PRDM16: variants seen among roughly 807,000 people sequenced by gnomAD.
The protein encoded by PRDM16 is PR/SET domain 16.
In PRDM16, 23 loss-of-function variants were observed where a neutral mutation model predicts 110.6. The observed-to-expected ratio is 0.21, with a 90% CI of 0.15 to 0.29. PRDM16 has a LOEUF of 0.29. PRDM16 is among the 10% of genes least tolerant of loss of function. The pLI is 1.00. For synonymous variants in PRDM16, 799 were observed against 781.8 expected (o/e 1.02, Z -0.37); for missense variants, 1,615 against 1,794.3 (o/e 0.90, Z 1.81).
chr1:3,404,462 G>A (rs936624157), intron 6 of PRDM16, among the ~76,000 whole-genome samples: 4 of 152,230 alleles, frequency 2.6e-5, no homozygotes, highest in South Asian at 2.1e-4. Flanking sequence ...GCCGGGGTCC[G>A]GCACTGCCTC....
At chr1:3,235,561 T>C (rs895112617) in intron 2 of PRDM16, among the ~76,000 whole-genome samples, 15 of 152,182 alleles carry the variant, frequency 9.9e-5, no homozygotes, top group African/African-American at 3.1e-4. Flanking sequence ...GAAAGGGCTC[T>C]GGAGCCTGCG....
rs982227562 is a variant in PRDM16 at position 3,265,593 on chromosome 1, A to G, written c.438+21456A>G. Among the ~76,000 whole-genome samples the G allele has an allele frequency of 3.3e-5, 5 of 151,804 alleles. No homozygotes were observed. The highest frequency in any genetic ancestry group is 1.2e-4 in the African/African-American group (5 of 41,256). ...GGAGAAGGGGTCGTCCTGGTGGGAG[A>G]GGGAGAAGCAGACCGCAGAGGCCCC... On this transcript the variant is annotated intron_variant, in intron 3 of 16. Transcript: ENST00000270722. This position sits in a 1 kb window ranked among gnomAD's most constrained non-coding sequence, Gnocchi z 4.5.
chr1:3,134,812 A>G (rs555051192), intron 1 of PRDM16, among the ~76,000 whole-genome samples: 6 of 152,380 alleles, frequency 3.9e-5, no homozygotes, highest in African/African-American at 1.4e-4. Flanking sequence ...CAGAGGCGGC[A>G]AACAGGCGGC....
chr1:3,190,562 G>A lies in PRDM16; in HGVS notation c.387+4088G>A, dbSNP rs985409211. ...CACCCCCGACCTGGGGGCTCACTCT[G>A]TGCATGGCTGTGTGTGTGCCCCAGG... is the stretch of plus-strand genomic sequence containing the variant. On this transcript the variant is annotated intron_variant, in intron 2 of 16. Coordinates refer to ENST00000270722, the MANE Select transcript of PRDM16 (RefSeq NM_022114.4). The surrounding 1 kb of genome is among the most constrained non-coding windows in gnomAD (Gnocchi z 5.0). Among the ~76,000 whole-genome samples the A allele has an allele frequency of 6.6e-6, 1 of 152,166 alleles. No homozygotes were observed. The highest frequency in any genetic ancestry group is 1.5e-5 in the Non-Finnish European group (1 of 68,038).
chr1:3,118,071 G>A (rs1643004794), intron 1 of PRDM16, among the ~76,000 whole-genome samples: 2 of 151,372 alleles, frequency 1.3e-5, no homozygotes, highest in East Asian at 3.9e-4. Context: ...ACATGCATGT[G>A]TGTGTGCGTG....
At chr1:3,079,256 G>T (rs1043967234) in intron 1 of PRDM16, among the ~76,000 whole-genome samples, 1 of 152,220 alleles carries the variant, frequency 6.6e-6, no homozygotes, top group Non-Finnish European at 1.5e-5. Flanking sequence ...TCTCCGCAGT[G>T]GTGGCCTGAG....
intron 3 of PRDM16, among the ~76,000 whole-genome samples, chr1:3,327,290 G>T (rs1368479926): frequency 6.6e-6 from 1 of 152,202 alleles, no homozygotes; most frequent in Non-Finnish European, 1.5e-5. Flanking sequence ...TTTGCTGGAG[G>T]AGGCGGCACC....
chr1:3,181,258 AGTCTTACACACGGCCTTACGCATG>A (rs1644168959), intron 1 of PRDM16, among the ~76,000 whole-genome samples: 1 of 143,722 alleles, frequency 7.0e-6, no homozygotes. Context: ...TTACACACGC[AGTCTTACACACGGCCTTACGCATG>A]GTCTTACACA....
chr1:3,266,931 A>G (rs1397903656), intron 3 of PRDM16, among the ~76,000 whole-genome samples: 1 of 152,078 alleles, frequency 6.6e-6, no homozygotes, highest in Non-Finnish European at 1.5e-5. Context: ...ATCCGCCTCG[A>G]CTTCCGAAAG....
intron 3 of PRDM16, among the ~76,000 whole-genome samples, chr1:3,362,770 C>T (rs1177694233): frequency 2.0e-5 from 3 of 152,146 alleles, no homozygotes; most frequent in Non-Finnish European, 2.9e-5. Context: ...ATCCTAAAAT[C>T]CCCCCCGTGG....
At chr1:3,365,541 G>A (rs548525847) in intron 3 of PRDM16, among the ~76,000 whole-genome samples, 21 of 152,338 alleles carry the variant, frequency 1.4e-4, no homozygotes, top group South Asian at 4.1e-4. Flanking sequence ...TCTGGACCAT[G>A]GGGTGATCCA....
chr1:3,414,506 C>A, intron 9 of PRDM16, 54 bp from the exon 10 acceptor site: 1 of 1,432,368 alleles, frequency 7.0e-7, no homozygotes, highest in Non-Finnish European at 9.7e-7. Context: ...GAGCGGGTGG[C>A]TCGGCGGGGC....
chr1:3,241,083 G>T (rs975110556), intron 2 of PRDM16, among the ~76,000 whole-genome samples: 17 of 152,238 alleles, frequency 1.1e-4, no homozygotes, highest in Non-Finnish European at 2.1e-4. Flanking sequence ...GGGGGAGCCG[G>T]GGAGCGCGTC....
intron 3 of PRDM16, among the ~76,000 whole-genome samples, chr1:3,287,311 G>C (rs1406829361): frequency 5.0e-5 from 7 of 139,904 alleles, no homozygotes; most frequent in African/African-American, 2.0e-4. Context: ...ACCGGGGCTG[G>C]AGCCGCCCCG....
intron 3 of PRDM16, among the ~76,000 whole-genome samples, chr1:3,366,306 C>T (rs112966906): frequency 1.1e-4 from 16 of 152,364 alleles, no homozygotes; most frequent in African/African-American, 3.6e-4. Context: ...AGCAGGACTC[C>T]GGGACGCGCT....
At chr1:3,103,477 T>G (rs559115968) in intron 1 of PRDM16, among the ~76,000 whole-genome samples, 3 of 152,132 alleles carry the variant, frequency 2.0e-5, no homozygotes, top group African/African-American at 7.2e-5. Context: ...GGGGACCCAG[T>G]GCCCTTCCTC....
chr1:3,277,786 T>TGCACACACAAAC (rs60375744), intron 3 of PRDM16, among the ~76,000 whole-genome samples: 24,411 of 151,708 alleles, frequency 0.16, 4,215 homozygotes, highest in African/African-American at 0.44. Context: ...CGCACACATA[T>TGCACACACAAAC]GCACACACAA....
intron 5 of PRDM16, among the ~76,000 whole-genome samples, chr1:3,400,684 C>A (rs1643452106): frequency 6.6e-6 from 1 of 152,212 alleles, no homozygotes; most frequent in Non-Finnish European, 1.5e-5. Context: ...CCCTGGGCAT[C>A]CTCTGGCTTT....
At chr1:3,248,651 C>T (rs1173225547) in intron 3 of PRDM16, among the ~76,000 whole-genome samples, 1 of 152,210 alleles carries the variant, frequency 6.6e-6, no homozygotes, top group Non-Finnish European at 1.5e-5. Context: ...GTGATGGGTC[C>T]ATAAATCTCT....
Sources: allele counts gnomAD v4.1 joint callset (sites outside exome capture counted in the v4.1 genomes callset), GRCh38; gene constraint gnomAD v4.1.1; non-coding constraint Gnocchi (gnomAD v3.1); transcripts MANE v1.5; gene names NCBI Gene and HGNC (gene_info 2026-07-23, HGNC 2026-07-21).